SRGAP3: variants seen among roughly 807,000 people sequenced by gnomAD.
The protein encoded by SRGAP3 is SLIT-ROBO Rho GTPase activating protein 3.
In SRGAP3, 39 loss-of-function variants were observed where a neutral mutation model predicts 121.1. That is an observed-to-expected ratio of 0.32 (90% CI 0.25 to 0.42). SRGAP3 has a LOEUF of 0.42. SRGAP3 is among the 10% of genes least tolerant of loss of function. SRGAP3 has a pLI of 1.00. For synonymous variants in SRGAP3, 601 were observed against 570.0 expected (o/e 1.05, Z -0.77); for missense variants, 1,213 against 1,470.6 (o/e 0.82, Z 2.86).
intron 13 of SRGAP3, among the ~76,000 whole-genome samples, chr3:9,026,080 C>A (rs989356800): frequency 1.4e-4 from 21 of 152,170 alleles, no homozygotes; most frequent in African/African-American, 5.1e-4. Flanking sequence ...CACTGACCTT[C>A]CTCCCCATGC....
At chr3:9,106,459 A>G (rs1160617202) in intron 2 of SRGAP3, among the ~76,000 whole-genome samples, 8 of 152,208 alleles carry the variant, frequency 5.3e-5, no homozygotes, top group Admixed American at 4.6e-4. Context: ...GTTCTTAGAA[A>G]ACACAGCCTC....
intron 3 of SRGAP3, among the ~76,000 whole-genome samples, chr3:9,272,759 G>A (rs963389656): frequency 9.9e-5 from 15 of 151,808 alleles, no homozygotes; most frequent in Admixed American, 9.2e-4. Context: ...ATTATTTTTT[G>A]TATATACCTA....
intron 1 of SRGAP3, among the ~76,000 whole-genome samples, chr3:9,333,220 T>C (rs551491374): frequency 6.6e-6 from 1 of 152,314 alleles, no homozygotes; most frequent in Admixed American, 6.5e-5. Flanking sequence ...GCTATGTAAC[T>C]TGTTAAAAGC....
chr3:9,295,337 A>G (rs909953174), intron 3 of SRGAP3, among the ~76,000 whole-genome samples: 1 of 152,214 alleles, frequency 6.6e-6, no homozygotes, highest in East Asian at 1.9e-4. Flanking sequence ...ACTGTTTTAC[A>G]GCATGGAAGT....
rs532815146 is a variant in SRGAP3 at position 9,018,063 on chromosome 3, TAA to T, written c.1679-2334_1679-2333del. The stretch of plus-strand genomic sequence containing the variant: ...CACTCTATCCTCTGTGTCCATGAGA[TAA>T]AGTGTTCTAGTTCCCACACAGGAGT... On this transcript the variant is annotated intron_variant, in intron 14 of 21. Coordinates refer to ENST00000383836, the MANE Select transcript of SRGAP3 (RefSeq NM_014850.4). 3.4e-4 allele frequency among the ~76,000 whole-genome samples: 52 copies of T among 152,330 alleles called. 1 individual carries two copies. The highest frequency in any genetic ancestry group is 2.2e-3 in the Admixed American group (33 of 15,302).
intron 1 of SRGAP3, among the ~76,000 whole-genome samples, chr3:9,358,432 A>C (rs1366648844): frequency 6.6e-6 from 1 of 152,186 alleles, no homozygotes; most frequent in Non-Finnish European, 1.5e-5. Flanking sequence ...AAAAACTCTC[A>C]AACCATGCTT....
chr3:8,987,047 G>A (rs1010693949), intron 21 of SRGAP3, among the ~76,000 whole-genome samples: 1 of 152,260 alleles, frequency 6.6e-6, no homozygotes, highest in African/African-American at 2.4e-5. Context: ...GTGGCCAGTT[G>A]CTGGCCGTGT....
At chr3:9,253,785 G>C (rs58715877), upstream of SRGAP3, among the ~76,000 whole-genome samples, 17 of 152,246 alleles carry the variant, frequency 1.1e-4, no homozygotes, top group African/African-American at 4.1e-4. Context: ...TTTATATTTT[G>C]TAAGGCTCTT....
At chr3:9,359,751 A>G (rs1472745077) in intron 1 of SRGAP3, among the ~76,000 whole-genome samples, 1 of 152,246 alleles carries the variant, frequency 6.6e-6, no homozygotes, top group African/African-American at 2.4e-5. Context: ...ATGAGCTAGG[A>G]ACTGTGGATG....
intron 1 of SRGAP3, chr3:9,348,454 C>A (rs1199540749): frequency 3.0e-6 from 2 of 666,814 alleles, no homozygotes; most frequent in Admixed American, 2.0e-5. Context: ...TGGCTGCCTA[C>A]AAATTGGTGT....
rs115240892 is a variant in SRGAP3, at chr3:9,160,761, A to T, written c.68-35844T>A. On this transcript the variant is annotated intron_variant, in intron 1 of 21. Coordinates refer to ENST00000383836, the MANE Select transcript of SRGAP3 (RefSeq NM_014850.4). Reference sequence around the variant, plus strand: ...ACGTAAAGGGTTAATAGAGACTTGGAACAGTTTCTGGCTTACACAAAGTGC... The same window carrying T: ...ACGTAAAGGGTTAATAGAGACTTGGTACAGTTTCTGGCTTACACAAAGTGC... 2.4e-3 allele frequency among the ~76,000 whole-genome samples: 361 copies of T among 152,360 alleles called. 3 individuals are homozygous for T. The highest frequency in any genetic ancestry group is 8.2e-3 in the African/African-American group (339 of 41,594).
At chr3:9,000,800 G>A (rs1942712982) in intron 18 of SRGAP3, among the ~76,000 whole-genome samples, 1 of 152,170 alleles carries the variant, frequency 6.6e-6, no homozygotes. Flanking sequence ...TTAGGACCAA[G>A]GGCACTGCTG....
intron 1 of SRGAP3, among the ~76,000 whole-genome samples, chr3:9,347,377 A>T (rs1002965365): frequency 1.3e-5 from 2 of 152,156 alleles, no homozygotes; most frequent in Non-Finnish European, 2.9e-5. Flanking sequence ...ATTTTTTTTA[A>T]TTTGTAGAGA....
upstream of SRGAP3, among the ~76,000 whole-genome samples, chr3:9,250,271 G>A (rs192068355): frequency 8.5e-5 from 13 of 152,258 alleles, no homozygotes; most frequent in African/African-American, 2.9e-4. Context: ...GTCTAGCACC[G>A]TTCTGGGTAC....
intron 12 of SRGAP3, among the ~76,000 whole-genome samples, chr3:9,029,330 G>A (rs569994715): frequency 2.0e-5 from 3 of 152,102 alleles, no homozygotes; most frequent in Admixed American, 1.3e-4. Context: ...TTCTCCCCTT[G>A]TCCCAGAGGT....
intron 1 of SRGAP3, among the ~76,000 whole-genome samples, chr3:9,339,278 C>T (rs1306574610): frequency 6.6e-6 from 1 of 152,212 alleles, no homozygotes; most frequent in African/African-American, 2.4e-5. Context: ...GTTCAGCTCC[C>T]ACTTACGACT....
chr3:9,070,215 G>A (rs1946636439), intron 4 of SRGAP3, among the ~76,000 whole-genome samples: 1 of 152,246 alleles, frequency 6.6e-6, no homozygotes. Flanking sequence ...GAAGTTGACA[G>A]CATCCATAAA....
At chr3:9,135,732 G>A (rs1017024280) in intron 1 of SRGAP3, among the ~76,000 whole-genome samples, 1 of 152,206 alleles carries the variant, frequency 6.6e-6, no homozygotes, top group African/African-American at 2.4e-5. Context: ...GTGGACCCTC[G>A]GCGAATAGCA....
At chr3:9,139,896 C>T (rs944289774) in intron 1 of SRGAP3, among the ~76,000 whole-genome samples, 2 of 152,020 alleles carry the variant, frequency 1.3e-5, no homozygotes, top group African/African-American at 4.8e-5. Flanking sequence ...TGATCTAGAC[C>T]AGCAGAGAGA....
Sources: allele counts gnomAD v4.1 joint callset (sites outside exome capture counted in the v4.1 genomes callset), GRCh38; gene constraint gnomAD v4.1.1; transcripts MANE v1.5; gene names NCBI Gene and HGNC (gene_info 2026-07-23, HGNC 2026-07-21).